Variants in MYH10 observed in about 807,000 individuals in gnomAD.
The protein encoded by MYH10 is myosin-10.
MYH10 carries 55 observed loss-of-function variants against 257.8 expected under a neutral mutation model. The ratio of observed to expected loss-of-function variants is 0.21; its 90% CI spans 0.17 to 0.27. The LOEUF (loss-of-function observed/expected upper bound fraction) is 0.27. MYH10 is among the 10% of genes least tolerant of loss of function. MYH10 has a pLI of 1.00. For synonymous variants in MYH10, 854 were observed against 921.7 expected (o/e 0.93, Z 1.33); for missense variants, 1,631 against 2,500.6 (o/e 0.65, Z 7.42).
chr17:8,504,132 G>A lies in MYH10; in HGVS notation c.3599+562C>T, dbSNP rs976406502. On this transcript the variant is annotated intron_variant, in intron 28 of 42. Transcript: ENST00000360416. The surrounding 1 kb of genome is among the most constrained non-coding windows in gnomAD (Gnocchi z 5.6). ...TCTCTGGCCATGTTCACCTATGCTC[G>A]TCACTTTTTTCATGCCCGCCCTGGC... Among the ~76,000 whole-genome samples, 3 of 152,176 alleles carry A rather than the reference G, an allele frequency of 2.0e-5. No homozygotes were observed. The highest frequency in any genetic ancestry group is 3.9e-4 in the East Asian group (2 of 5,190).
chr17:8,503,764 C>T (rs2080984447), intron 28 of MYH10, among the ~76,000 whole-genome samples: 1 of 152,202 alleles, frequency 6.6e-6, no homozygotes, highest in Non-Finnish European at 1.5e-5. Flanking sequence ...TGCTTTATTC[C>T]AGGCCTCAGC....
At chr17:8,612,611 G>A (rs1200342405) in intron 2 of MYH10, among the ~76,000 whole-genome samples, 1 of 152,162 alleles carries the variant, frequency 6.6e-6, no homozygotes, top group East Asian at 1.9e-4. Context: ...AGCACTTTGG[G>A]AGGCCAAGGA....
At position 8,623,095 on chromosome 17, in the gene MYH10, T is replaced by C. The variant is rs1269236006; in HGVS notation, c.152A>G (p.Lys51Arg). Residue 51 changes from lysine to arginine, a missense_variant, in exon 2 of 43, where the codon AAA (lysine) becomes AGA (arginine). Around this residue, in one of 11 missense-constraint regions of MYH10, gnomAD observed 360 missense variants for 581.9 expected, o/e 0.62. Transcript: ENST00000360416. Reference sequence around the variant, plus strand: ...CATAACTTCATCTCCCCGTTCTTCTTTGATACTAGCTGCCTCAAAACCATG... The same window carrying C: ...CATAACTTCATCTCCCCGTTCTTCTCTGATACTAGCTGCCTCAAAACCATG... ...ERHGFEAASI[K>R]EERGDEVMVE... 3.7e-5 allele frequency: 59 copies of C among 1,614,150 alleles called. No homozygotes were observed. Among genetic ancestry groups the C allele is most frequent in the Non-Finnish European group, 4.9e-5 (58 of 1,180,020 alleles).
At chr17:8,510,387 A>C (rs1414505463) in intron 24 of MYH10, among the ~76,000 whole-genome samples, 1 of 152,230 alleles carries the variant, frequency 6.6e-6, no homozygotes, top group East Asian at 1.9e-4. Context: ...TATCCGCTAC[A>C]GGCTAAAGTA....
intron 4 of MYH10, among the ~76,000 whole-genome samples, chr17:8,582,790 C>T (rs987615959): frequency 6.6e-6 from 1 of 152,228 alleles, no homozygotes; most frequent in Non-Finnish European, 1.5e-5. Context: ...TCCTTCTGGA[C>T]CATGGGGATT....
chr17:8,501,272 G>A (rs916212954), intron 28 of MYH10, among the ~76,000 whole-genome samples: 2 of 152,060 alleles, frequency 1.3e-5, no homozygotes, highest in African/African-American at 2.4e-5. Flanking sequence ...CAGCCTGGGC[G>A]AGTGAGACCC....
intron 3 of MYH10, among the ~76,000 whole-genome samples, chr17:8,601,013 T>TGGAAACACAGTGAATTTCATTCCAGGA (rs2084570185): frequency 3.9e-5 from 6 of 152,230 alleles, no homozygotes; most frequent in African/African-American, 1.4e-4. Flanking sequence ...AAAACATGAC[T>TGGAAACACAGTGAATTTCATTCCAGGA]GGAAACACAG....
chr17:8,533,031 C>T (rs912262117), intron 16 of MYH10, among the ~76,000 whole-genome samples: 42 of 152,246 alleles, frequency 2.8e-4, no homozygotes, highest in African/African-American at 9.1e-4. Flanking sequence ...GAAGAGAAAA[C>T]CAGTTTTTGA....
At chr17:8,518,608 T>C in intron 21 of MYH10, 23 bp downstream of exon 21, 1 of 1,604,508 alleles carries the variant, frequency 6.2e-7, no homozygotes, top group Non-Finnish European at 8.5e-7. Flanking sequence ...CAGTGAACGA[T>C]TAATTCGTGA....
chr17:8,594,454 A>T (rs530577126), intron 3 of MYH10, among the ~76,000 whole-genome samples: 2 of 152,366 alleles, frequency 1.3e-5, no homozygotes, highest in East Asian at 3.9e-4. Context: ...AGGATGGCGA[A>T]CACCTGGAAT....
At chr17:8,609,743 A>C (rs189140635) in intron 2 of MYH10, among the ~76,000 whole-genome samples, 1 of 152,266 alleles carries the variant, frequency 6.6e-6, no homozygotes, top group East Asian at 1.9e-4. Flanking sequence ...ATAGGAGAGC[A>C]TCCTTCTTAA....
intron 4 of MYH10, among the ~76,000 whole-genome samples, chr17:8,583,686 C>T (rs1293394822): frequency 6.6e-6 from 1 of 152,156 alleles, no homozygotes; most frequent in Non-Finnish European, 1.5e-5. Flanking sequence ...AAACTTTTAA[C>T]GCATGTTATT....
intron 32 of MYH10, 35 bp downstream of exon 32, chr17:8,493,698 C>G (rs554730509): frequency 4.2e-5 from 67 of 1,583,938 alleles, no homozygotes; most frequent in Non-Finnish European, 5.7e-5. Context: ...AGGCACACAT[C>G]GAGGCCACCG....
At chr17:8,511,558 A>G (rs1333478480) in intron 24 of MYH10, among the ~76,000 whole-genome samples, 1 of 152,180 alleles carries the variant, frequency 6.6e-6, no homozygotes, top group African/African-American at 2.4e-5. Flanking sequence ...AACAAACCCC[A>G]AAAAACCAAA....
chr17:8,561,701 C>G, intron 7 of MYH10: 1 of 611,570 alleles, frequency 1.6e-6, no homozygotes, highest in South Asian at 2.0e-5. Context: ...AGAAATGTTC[C>G]AAAATAATTC....
chr17:8,610,404 T>C (rs2084990734), intron 2 of MYH10, among the ~76,000 whole-genome samples: 2 of 146,330 alleles, frequency 1.4e-5, no homozygotes, highest in South Asian at 4.4e-4. Context: ...GCCTGGGCAA[T>C]ATAGTGAGAC....
intron 4 of MYH10, among the ~76,000 whole-genome samples, chr17:8,580,399 ATT>A (rs574430985): frequency 6.4e-5 from 9 of 141,048 alleles, no homozygotes; most frequent in African/African-American, 7.7e-5. Flanking sequence ...TATTCATCTT[ATT>A]TTTTTTTTTT....
At chr17:8,630,181 T>G (rs1265669372) in intron 1 of MYH10, among the ~76,000 whole-genome samples, 4 of 145,524 alleles carry the variant, frequency 2.7e-5, no homozygotes, top group Middle Eastern at 3.3e-3. Context: ...ATCCCCTCTC[T>G]TCCTGGGAGG....
chr17:8,518,148 T>TGTGTGTG (rs1597719659), intron 21 of MYH10, among the ~76,000 whole-genome samples: 44 of 119,982 alleles, frequency 3.7e-4, no homozygotes, highest in East Asian at 7.2e-4. Flanking sequence ...TGTGTGTGTG[T>TGTGTGTG]TTGAGATAGG....
Sources: allele counts gnomAD v4.1 joint callset (sites outside exome capture counted in the v4.1 genomes callset), GRCh38; gene constraint gnomAD v4.1.1; regional missense constraint gnomAD v4.1.1; non-coding constraint Gnocchi (gnomAD v3.1); transcripts MANE v1.5; gene names NCBI Gene and HGNC (gene_info 2026-07-23, HGNC 2026-07-21).